The following FSIP2 variants were observed in gnomAD, a reference collection of about 807,000 sequenced individuals.
FSIP2 encodes fibrous sheath interacting protein 2, also known as fibrous sheath-interacting protein 2.
Under a neutral mutation model 510.5 loss-of-function variants are expected in FSIP2, and 367 were observed. The observed-to-expected ratio is 0.72, with a 90% CI of 0.66 to 0.78. FSIP2 has a LOEUF of 0.78. FSIP2 is among the 30% of genes least tolerant of loss of function. The pLI is 0.00. For synonymous variants in FSIP2, 2,601 were observed against 2,732.2 expected (o/e 0.95, Z 1.50); for missense variants, 7,594 against 7,901.7 (o/e 0.96, Z 1.48).
chr2:185,803,766 A>G lies in FSIP2; in HGVS notation c.14460A>G (p.Ser4820=). The G allele has an allele frequency of 1.3e-6, 2 of 1,529,690 alleles. No individual in the cohort carries two copies. The highest frequency in any genetic ancestry group is 1.7e-6 in the Non-Finnish European group (2 of 1,142,860). The allele number at this position is 1,529,690 out of a possible 1,614,324, so 94.8% of individuals were successfully genotyped here. ...CAGAGCAGTCAGATACTACTAAATC[A>G]GACTTAAGTAATACAGTGATAAAAC... ...TSAEQSDTTK[S]DLSNTVIKLI... is the part of the protein sequence containing the mutation. Residue 4820 remains serine (S), a synonymous_variant, in exon 17 of 23, where the codon TCA becomes TCG. Transcript: ENST00000424728.
chr2:185,769,761 A>C (rs1432271968), intron 13 of FSIP2, among the ~76,000 whole-genome samples: 1 of 152,096 alleles, frequency 6.6e-6, no homozygotes, highest in East Asian at 1.9e-4. Context: ...AGAGTTTTAC[A>C]TTTCAGTCTT....
In FSIP2 at chr2:185,739,344, A is replaced by G; in HGVS notation, c.100-2A>G. 6.6e-7 allele frequency: 1 copy of G among 1,525,922 alleles called. No homozygotes were observed. Among genetic ancestry groups the G allele is most frequent in the Non-Finnish European group, 8.7e-7 (1 of 1,143,220 alleles). The allele number at this position is 1,525,922 out of a possible 1,614,324, so 94.5% of individuals were successfully genotyped here. ...ACAAAACTCTCCAATTGTGTCTGAC[A>G]GGGCGTGCACAAAACCCACTTTGCA... On this transcript the variant is annotated splice_acceptor_variant, in intron 1 of 22. Transcript: ENST00000424728. LOFTEE classifies it high-confidence loss of function.
intron 13 of FSIP2, among the ~76,000 whole-genome samples, chr2:185,769,212 C>G (rs937484048): frequency 1.3e-5 from 2 of 152,094 alleles, no homozygotes; most frequent in Non-Finnish European, 2.9e-5. Flanking sequence ...AATCATCACA[C>G]GACTTTCCAC....
At chr2:185,739,313 G>A (rs1380217507) in intron 1 of FSIP2, 33 bp from the exon 2 acceptor site, 2 of 1,502,252 alleles carry the variant, frequency 1.3e-6, no homozygotes, top group South Asian at 2.5e-5. Context: ...CTGCCTAAAA[G>A]GAAAGACAAA....
chr2:185,746,673 T>C lies in FSIP2; in HGVS notation c.622T>C (p.Leu208=). Residue 208 remains leucine, a synonymous_variant, in exon 6 of 23, where the codon TTG becomes CTG. Coordinates refer to ENST00000424728, the MANE Select transcript of FSIP2 (RefSeq NM_173651.4). The part of the protein sequence containing the change: ...DQERLMRHRY[L]DMISRKLEQL... ...AATATTTGCACTCTTACTCAGATAT[T>C]TGGATATGATAAGTAGAAAACTAGA... The C allele has an allele frequency of 6.6e-7, 1 of 1,508,688 alleles. No homozygotes were observed. The highest frequency in any genetic ancestry group is 1.4e-5 in the African/African-American group (1 of 71,278). The allele number at this position is 1,508,688 out of a possible 1,614,324, so 93.5% of individuals were successfully genotyped here.
Position 185,790,182 on chromosome 2 carries a change from C to T in FSIP2, c.3046C>T (p.Leu1016Phe). The T allele has an allele frequency of 6.5e-7, 1 of 1,530,910 alleles. No individual in the cohort carries two copies. Among genetic ancestry groups the T allele is most frequent in the Admixed American group, 2.0e-5 (1 of 50,254 alleles). 94.8% of individuals were successfully genotyped at this position (1,530,910 alleles called of 1,614,324 possible). A position where few individuals can be genotyped will look rare whatever the true frequency, so the allele number is the denominator to read the frequency against. Residue 1016 changes from leucine to phenylalanine, a missense_variant, in exon 16 of 23, where the codon CTT becomes TTT. By Grantham distance (22) the Leu-to-Phe change is conservative (BLOSUM62 0). Coordinates refer to ENST00000424728, the MANE Select transcript of FSIP2 (RefSeq NM_173651.4). ...EEIDNIVKNV[L>F]DSTFKDEKVK... ...AATAGACAATATTGTAAAAAATGTG[C>T]TTGATTCAACTTTCAAAGATGAAAA...
chr2:185,794,506 A>T lies in FSIP2; in HGVS notation c.7370A>T (p.Glu2457Val), dbSNP rs1693219555. 1 of 1,523,400 alleles carries T rather than the reference A, an allele frequency of 6.6e-7. No homozygotes were observed. The highest frequency in any genetic ancestry group is 8.7e-7 in the Non-Finnish European group (1 of 1,142,956). The allele number at this position is 1,523,400 out of a possible 1,614,324, so 94.4% of individuals were successfully genotyped here. The change falls in exon 16 of 23, where the codon GAA becomes GTA. Residue 2457 changes from glutamate to valine, a missense_variant. Coordinates refer to ENST00000424728, the MANE Select transcript of FSIP2 (RefSeq NM_173651.4). ...YPLEQNQMIL[E>V]NKRQIIVLEE... Reference sequence around the variant, plus strand: ...TTAGAGCAAAACCAAATGATATTGGAAAACAAAAGGCAGATAATTGTTTTG... The same window carrying T: ...TTAGAGCAAAACCAAATGATATTGGTAAACAAAAGGCAGATAATTGTTTTG...
chr2:185,821,540 C>T, intron 19 of FSIP2, among the ~76,000 whole-genome samples: 1 of 151,888 alleles, frequency 6.6e-6, no homozygotes, highest in East Asian at 2.0e-4. Flanking sequence ...AAGATATTAG[C>T]TAACCAAATT....
Position 185,789,722 on chromosome 2 carries a change from T to C in FSIP2, c.2586T>C (p.Cys862=). The part of the protein sequence containing the change: ...SCQQHKTDPI[C]MFLQRAGKNK... ...AGCAACATAAGACAGACCCAATATG[T>C]ATGTTCCTTCAAAGAGCTGGCAAAA... Residue 862 remains cysteine (C), a synonymous_variant, in exon 16 of 23, where the codon TGT becomes TGC. Coordinates refer to ENST00000424728, the MANE Select transcript of FSIP2 (RefSeq NM_173651.4). 2.0e-6 allele frequency: 3 copies of C among 1,534,488 alleles called. No homozygotes were observed. The highest frequency in any genetic ancestry group is 1.2e-5 in the South Asian group (1 of 84,016).
chr2:185,739,400 C>T lies in FSIP2; in HGVS notation c.154C>T (p.Pro52Ser). The T allele has an allele frequency of 1.3e-6, 2 of 1,535,358 alleles. No homozygotes were observed. Among genetic ancestry groups the T allele is most frequent in the Non-Finnish European group, 1.7e-6 (2 of 1,146,534 alleles). ...GVGPAQLLDL[P>S]LGVKLPVIPG... ...TGGACCGGCTCAGCTACTGGACCTA[C>T]CTCTCGGGGTCAAGCTGCCTGTGAT... The change falls in exon 2 of 23, where the codon CCT becomes TCT. Residue 52 changes from proline to serine, a missense_variant. Transcript: ENST00000424728.
Position 185,794,808 on chromosome 2 carries a change from T to A in FSIP2, c.7672T>A (p.Leu2558Ile), listed in dbSNP as rs968305233. 1.3e-6 allele frequency: 2 copies of A among 1,532,738 alleles called. No homozygotes were observed. The highest frequency in any genetic ancestry group is 2.7e-5 in the African/African-American group (2 of 72,846). 94.9% of individuals were successfully genotyped at this position (1,532,738 alleles called of 1,614,324 possible). ...AATGTACTTGGTAGTTGTGACATCA[T>A]TATATGAAAATAATAAAAGTAGGAC... ...GKMYLVVVTS[L>I]YENNKSRTEV... Residue 2558 changes from leucine (L) to isoleucine (I), a missense_variant, in exon 16 of 23, where the codon TTA (leucine) becomes ATA (isoleucine). By Grantham distance (5) the Leu-to-Ile change is conservative. Transcript: ENST00000424728.
intron 19 of FSIP2, among the ~76,000 whole-genome samples, chr2:185,816,087 T>C (rs1024549725): frequency 3.3e-5 from 5 of 152,020 alleles, no homozygotes; most frequent in Non-Finnish European, 4.4e-5. Flanking sequence ...CTATCAAGAA[T>C]AGTGAAAACA....
chr2:185,762,051 T>C (rs1286348307), intron 11 of FSIP2, 34 bp downstream of exon 11: 19 of 967,204 alleles, frequency 2.0e-5, no homozygotes, highest in Non-Finnish European at 3.0e-5. Context: ...AATTTTTCTG[T>C]TATTAGGCAT....
Position 185,802,010 on chromosome 2 carries a change from T to A in FSIP2, c.12704T>A (p.Ile4235Lys), listed in dbSNP as rs1264240627. 1 of 1,526,956 alleles carries A rather than the reference T, an allele frequency of 6.5e-7. No individual in the cohort carries two copies. Among genetic ancestry groups the A allele is most frequent in the East Asian group, 2.5e-5 (1 of 40,804 alleles). 94.6% of individuals were successfully genotyped at this position (1,526,956 alleles called of 1,614,324 possible). ...SDSLVSIQKS[I>K]VSRSPIMIDQ... Reference sequence around the variant, plus strand: ...TCTCTTGTTTCAATACAAAAAAGTATAGTAAGCCGAAGCCCAATTATGATT... The same window carrying A: ...TCTCTTGTTTCAATACAAAAAAGTAAAGTAAGCCGAAGCCCAATTATGATT... The change falls in exon 17 of 23, where the codon ATA becomes AAA. Residue 4235 changes from isoleucine to lysine, a missense_variant. Transcript: ENST00000424728.
chr2:185,804,055 A>G lies in FSIP2; in HGVS notation c.14749A>G (p.Thr4917Ala), dbSNP rs1400379304. 2 of 1,517,202 alleles carry G rather than the reference A, an allele frequency of 1.3e-6. No individual in the cohort carries two copies. Among genetic ancestry groups the G allele is most frequent in the African/African-American group, 2.8e-5 (2 of 72,080 alleles). 94.0% of individuals were successfully genotyped at this position (1,517,202 alleles called of 1,614,324 possible). ...HIQSFLSEDK[T>A]LLLAAVDQTY... ...TCAATCATTTTTATCTGAAGATAAA[A>G]CTCTCCTTTTGGCAGCAGTTGATCA... The change falls in exon 17 of 23, where the codon ACT (threonine) becomes GCT (alanine). Residue 4917 changes from threonine to alanine, a missense_variant. Transcript: ENST00000424728.
chr2:185,790,177 A>G lies in FSIP2; in HGVS notation c.3041A>G (p.Asn1014Ser), dbSNP rs1186972740. Residue 1014 changes from asparagine (N) to serine (S), a missense_variant, in exon 16 of 23, where the codon AAT becomes AGT. Asn to Ser is a conservative substitution (Grantham distance 46). Transcript: ENST00000424728. The stretch of plus-strand genomic sequence containing the variant: ...GAGGAAATAGACAATATTGTAAAAA[A>G]TGTGCTTGATTCAACTTTCAAAGAT... ...ENEEIDNIVK[N>S]VLDSTFKDEK... 3.4e-5 allele frequency: 52 copies of G among 1,532,016 alleles called. No individual in the cohort carries two copies. Among genetic ancestry groups the G allele is most frequent in the Non-Finnish European group, 4.4e-5 (50 of 1,144,886 alleles). 94.9% of individuals were successfully genotyped at this position (1,532,016 alleles called of 1,614,324 possible).
chr2:185,806,813 T>G lies in FSIP2; in HGVS notation c.17507T>G (p.Leu5836Ter). The change falls in exon 17 of 23, where the codon TTA becomes TGA. Residue 5836 changes from leucine (L) to a stop codon, truncating the protein, a stop_gained. Coordinates refer to ENST00000424728, the MANE Select transcript of FSIP2 (RefSeq NM_173651.4). LOFTEE classifies it high-confidence loss of function. The part of the protein sequence containing the change: ...DTAMKLINSL[L>*]KEFSDAQIKV... ...GCTATGAAACTCATCAATTCACTGT[T>G]AAAGGAGTTCTCAGATGCTCAAATT... is the stretch of plus-strand genomic sequence containing the variant. 1 of 1,611,436 alleles carries G rather than the reference T, an allele frequency of 6.2e-7. No individual in the cohort carries two copies. Among genetic ancestry groups the G allele is most frequent in the Non-Finnish European group, 8.5e-7 (1 of 1,178,652 alleles).
At chr2:185,743,688 G>T (rs1055710887) in intron 3 of FSIP2, among the ~76,000 whole-genome samples, 4 of 152,042 alleles carry the variant, frequency 2.6e-5, no homozygotes, top group Non-Finnish European at 4.4e-5. Context: ...AGTTCAATCT[G>T]TCAGAACCTT....
intron 13 of FSIP2, among the ~76,000 whole-genome samples, chr2:185,778,472 A>G (rs1692774588): frequency 6.6e-6 from 1 of 152,022 alleles, no homozygotes; most frequent in African/African-American, 2.4e-5. Flanking sequence ...CATGTTTAAT[A>G]TCCAATTTTG....
Sources: allele counts gnomAD v4.1 joint callset (sites outside exome capture counted in the v4.1 genomes callset), GRCh38; gene constraint gnomAD v4.1.1; transcripts MANE v1.5; gene names NCBI Gene and HGNC (gene_info 2026-07-23, HGNC 2026-07-21).